Variants in HDAC9 observed in about 807,000 individuals in gnomAD.
HDAC9 encodes histone deacetylase 9.
HDAC9 carries 41 observed loss-of-function variants against 139.4 expected under a neutral mutation model. The ratio of observed to expected loss-of-function variants is 0.29; its 90% CI spans 0.23 to 0.38. The LOEUF is 0.38. Ranked by LOEUF, HDAC9 falls within the 10% of genes least tolerant of loss-of-function variation. The probability of loss-of-function intolerance (pLI) is 1.00; values close to 1 mark genes in which losing one functional copy is unlikely to be tolerated. For synonymous variants in HDAC9, 517 were observed against 476.2 expected (o/e 1.09, Z -1.12); for missense variants, 1,147 against 1,297.0 (o/e 0.88, Z 1.78).
At chr7:18,863,410 C>T (rs539383790) in intron 21 of HDAC9, among the ~76,000 whole-genome samples, 1 of 152,162 alleles carries the variant, frequency 6.6e-6, no homozygotes, top group Non-Finnish European at 1.5e-5. Flanking sequence ...AACACAAATT[C>T]GTAAACTTTC....
chr7:18,722,321 A>C (rs971598295), intron 12 of HDAC9, among the ~76,000 whole-genome samples: 1 of 152,214 alleles, frequency 6.6e-6, no homozygotes, highest in African/African-American at 2.4e-5. Flanking sequence ...GAGCATGTTA[A>C]CTATTCATTT....
intron 24 of HDAC9, among the ~76,000 whole-genome samples, chr7:18,968,958 C>CAAAAAAAAAAAAAAAA (rs34379636): frequency 2.0e-4 from 9 of 45,190 alleles, no homozygotes; most frequent in African/African-American, 7.5e-4. Context: ...GCCTCCCTCT[C>CAAAAAAAAAAAAAAAA]AAAAAAAAAA....
At chr7:18,430,243 C>T (rs181157517) in intron 1 of HDAC9, among the ~76,000 whole-genome samples, 218 of 151,950 alleles carry the variant, frequency 1.4e-3, no homozygotes, top group African/African-American at 5.0e-3. Flanking sequence ...TTTTTTTTGG[C>T]GATGGTGTCT....
intron 14 of HDAC9, among the ~76,000 whole-genome samples, chr7:18,759,994 A>G (rs1490380601): frequency 6.6e-6 from 1 of 152,214 alleles, no homozygotes; most frequent in Non-Finnish European, 1.5e-5. Context: ...GGAGGAAAAA[A>G]TCAATGAAAG....
At chr7:18,791,250 A>G (rs1167098959) in intron 16 of HDAC9, among the ~76,000 whole-genome samples, 2 of 152,190 alleles carry the variant, frequency 1.3e-5, no homozygotes, top group African/African-American at 2.4e-5. Context: ...AGGGCTTAGG[A>G]ATTTTACATG....
intron 12 of HDAC9, among the ~76,000 whole-genome samples, chr7:18,687,810 T>C (rs1488748085): frequency 6.6e-6 from 1 of 151,876 alleles, no homozygotes; most frequent in Non-Finnish European, 1.5e-5. Context: ...TATTATGTTT[T>C]TTCACAAGGG....
In HDAC9 at chr7:18,881,354, A is replaced by G. The variant is rs557701828; in HGVS notation, c.2803+6758A>G. ...CTTGATTACAATCTGTTTGGATTCTAAGGTCCTCTCTTCTCAATGGATATT... is the reference window on the plus strand; with the variant it reads ...CTTGATTACAATCTGTTTGGATTCTGAGGTCCTCTCTTCTCAATGGATATT... On this transcript the variant is annotated intron_variant, in intron 22 of 25. Coordinates refer to ENST00000686413, the MANE Select transcript of HDAC9 (RefSeq NM_178425.4). Among the ~76,000 whole-genome samples the G allele has an allele frequency of 2.6e-5, 4 of 152,210 alleles. 1 individual carries two copies. The highest frequency in any genetic ancestry group is 4.1e-4 in the South Asian group (2 of 4,826).
chr7:18,456,865 A>T (rs920185197), intron 1 of HDAC9, among the ~76,000 whole-genome samples: 2 of 152,230 alleles, frequency 1.3e-5, no homozygotes, highest in African/African-American at 4.8e-5. Flanking sequence ...CCAAGTTAAA[A>T]ATGTCCAATT....
chr7:18,203,335 C>G (rs189944902), intron 2 of HDAC9, among the ~76,000 whole-genome samples: 1 of 152,268 alleles, frequency 6.6e-6, no homozygotes, highest in East Asian at 1.9e-4. Flanking sequence ...TCATTACTGG[C>G]ACCGATTTTG....
At chr7:18,276,254 A>G (rs1584963169) in intron 2 of HDAC9, among the ~76,000 whole-genome samples, 1 of 152,344 alleles carries the variant, frequency 6.6e-6, no homozygotes, top group South Asian at 2.1e-4. Context: ...CCAGGTGTGC[A>G]CATTGAATAG....
At chr7:18,421,262 G>A (rs912751480) in intron 1 of HDAC9, among the ~76,000 whole-genome samples, 2 of 151,696 alleles carry the variant, frequency 1.3e-5, no homozygotes, top group African/African-American at 4.8e-5. Context: ...TAAGAAACAG[G>A]TAAATTTCAA....
At chr7:18,881,230 A>G (rs1433237354) in intron 22 of HDAC9, among the ~76,000 whole-genome samples, 2 of 152,116 alleles carry the variant, frequency 1.3e-5, no homozygotes, top group Non-Finnish European at 2.9e-5. Flanking sequence ...ATCTAACTAC[A>G]AGTTCTGAAT....
intron 24 of HDAC9, among the ~76,000 whole-genome samples, chr7:18,964,650 C>G (rs1311113333): frequency 6.6e-6 from 1 of 152,142 alleles, no homozygotes; most frequent in African/African-American, 2.4e-5. Context: ...GGGAAGGCCT[C>G]AGGAAACTTG....
In HDAC9 at chr7:18,749,016, G is replaced by C. The variant is rs1230047781; in HGVS notation, c.1921G>C (p.Asp641His). The C allele has an allele frequency of 6.2e-7, 1 of 1,613,220 alleles. No individual in the cohort carries two copies. Among genetic ancestry groups the C allele is most frequent in the African/African-American group, 1.3e-5 (1 of 74,832 alleles). Residue 641 changes from aspartate (D) to histidine (H), a missense_variant, in exon 14 of 26, where the codon GAC becomes CAC. This residue lies in a region of HDAC9 where 256 missense variants were observed against 219.2 expected (regional missense o/e 1.17). Transcript: ENST00000686413. ...CCCTTGTCTTAAAGGAATTGCCTAT[G>C]ACCCCTTGATGCTGAAACACCAGTG... is the stretch of plus-strand genomic sequence containing the variant. ...QPGSATGIAY[D>H]PLMLKHQCVC...
At chr7:18,837,874 C>A (rs1796339442) in intron 21 of HDAC9, among the ~76,000 whole-genome samples, 1 of 152,038 alleles carries the variant, frequency 6.6e-6, no homozygotes, top group Non-Finnish European at 1.5e-5. Flanking sequence ...GTTGACGATT[C>A]TCAGAATGGC....
At chr7:18,775,762 A>G (rs898526528) in intron 16 of HDAC9, among the ~76,000 whole-genome samples, 2 of 149,706 alleles carry the variant, frequency 1.3e-5, no homozygotes, top group African/African-American at 4.9e-5. Context: ...ATTTTCTTCT[A>G]TTCATAATTG....
At chr7:18,594,953 T>A (rs983962146) in intron 6 of HDAC9, among the ~76,000 whole-genome samples, 1 of 152,098 alleles carries the variant, frequency 6.6e-6, no homozygotes, top group African/African-American at 2.4e-5. Context: ...GTTTTATATA[T>A]GAAATCTGCA....
At chr7:18,810,214 A>G (rs75114703) in intron 17 of HDAC9, among the ~76,000 whole-genome samples, 4,203 of 151,966 alleles carry the variant, frequency 0.028, 191 homozygotes, top group African/African-American at 0.097. Context: ...AATTAAAAAC[A>G]ACAACAATAA....
chr7:18,822,480 G>A (rs1256185307), intron 17 of HDAC9, among the ~76,000 whole-genome samples: 12 of 152,036 alleles, frequency 7.9e-5, no homozygotes, highest in Non-Finnish European at 1.2e-4. Flanking sequence ...TCAGACTCCC[G>A]ACTAGTTGGG....
Sources: allele counts gnomAD v4.1 joint callset (sites outside exome capture counted in the v4.1 genomes callset), GRCh38; gene constraint gnomAD v4.1.1; regional missense constraint gnomAD v4.1.1; transcripts MANE v1.5; gene names NCBI Gene and HGNC (gene_info 2026-07-23, HGNC 2026-07-21).